The following DYNLT5 variants were observed in gnomAD, a reference collection of about 807,000 sequenced individuals.
DYNLT5 encodes the protein dynein light chain Tctex-type family member 5.
A neutral mutation model predicts 19.3 loss-of-function variants in DYNLT5; 25 were observed. That is an observed-to-expected ratio of 1.30 (90% CI 0.95 to 1.81). The LOEUF (loss-of-function observed/expected upper bound fraction) is 1.81. DYNLT5 is among the 40% of genes most tolerant of loss of function. The pLI is 0.00. For missense variants in DYNLT5, 232 were observed against 217.9 expected, an observed-to-expected ratio of 1.06 and a Z score of -0.41; for synonymous variants, 82 against 68.9, an observed-to-expected ratio of 1.19 and a Z score of -0.94.
intron 2 of DYNLT5, among the ~76,000 whole-genome samples, chr1:66,765,128 C>A (rs1486925068): frequency 6.6e-6 from 1 of 152,104 alleles, no homozygotes; most frequent in Non-Finnish European, 1.5e-5. Flanking sequence ...TACAAATGTA[C>A]AAATTTATAC....
chr1:66,765,414 G>GA (rs1200898693), intron 2 of DYNLT5, among the ~76,000 whole-genome samples: 1 of 152,034 alleles, frequency 6.6e-6, no homozygotes, highest in Non-Finnish European at 1.5e-5. Context: ...TAATAACTCT[G>GA]AAAACGTATG....
At chr1:66,754,602 CTAAAA>C in intron 1 of DYNLT5, 49 bp from the exon 2 acceptor site, 1 of 1,546,066 alleles carries the variant, frequency 6.5e-7, no homozygotes, top group East Asian at 2.3e-5. Flanking sequence ...GTTATACTAA[CTAAAA>C]TGTTTCCGGA....
chr1:66,753,151 G>C (rs748155975), intron 1 of DYNLT5, among the ~76,000 whole-genome samples: 1 of 151,984 alleles, frequency 6.6e-6, no homozygotes, highest in Admixed American at 6.6e-5. Context: ...TCACACTCAC[G>C]TGCACACACA....
intron 3 of DYNLT5, chr1:66,776,070 T>C: frequency 2.1e-6 from 1 of 477,562 alleles, no homozygotes; most frequent in Non-Finnish European, 3.6e-6. Flanking sequence ...ACTTTTGAGA[T>C]AGTCACGTAA....
At chr1:66,770,251 T>C (rs562840575) in intron 2 of DYNLT5, 136 bp from the exon 3 acceptor site, 57 of 625,406 alleles carry the variant, frequency 9.1e-5, no homozygotes, top group African/African-American at 8.5e-4. Context: ...AATATGCCAC[T>C]AGGATATTTA....
At chr1:66,766,015 T>C (rs2094654296) in intron 2 of DYNLT5, among the ~76,000 whole-genome samples, 1 of 152,232 alleles carries the variant, frequency 6.6e-6, no homozygotes, top group Non-Finnish European at 1.5e-5. Flanking sequence ...GTTGTTACTC[T>C]TCCATCTGCA....
At position 66,777,358 on chromosome 1, in the gene DYNLT5, C is replaced by A; in HGVS notation, c.444C>A (p.Cys148Ter). Residue 148 changes from cysteine (C) to a stop codon, truncating the protein, a stop_gained, in exon 5 of 5, where the codon TGC (cysteine) becomes TGA (stop). Coordinates refer to ENST00000282670, the MANE Select transcript of DYNLT5 (RefSeq NM_152665.3). LOFTEE classifies it high-confidence loss of function. ...AGAGCATACTTATTGGAAGCAGATGCCTCTGGGATCCTAAAAGTGATACCT... is the reference window on the plus strand; with the variant it reads ...AGAGCATACTTATTGGAAGCAGATGACTCTGGGATCCTAAAAGTGATACCT... The part of the protein sequence containing the change: ...NRQSILIGSR[C>*]LWDPKSDTFS... 6.2e-7 allele frequency: 1 copy of A among 1,613,906 alleles called. No individual in the cohort carries two copies.
At chr1:66,775,134 C>CA (rs1479544663) in intron 3 of DYNLT5, 3 of 152,212 alleles carry the variant, frequency 2.0e-5, no homozygotes, top group African/African-American at 7.2e-5. Flanking sequence ...GAAGAAGATT[C>CA]ATTTGAAGCT....
chr1:66,762,794 A>G lies in DYNLT5; in HGVS notation c.120-7593A>G, dbSNP rs75733883. 4.1e-3 allele frequency among the ~76,000 whole-genome samples: 626 copies of G among 152,324 alleles called. 9 individuals are homozygous for G. The highest frequency in any genetic ancestry group is 0.039 in the East Asian group (202 of 5,184). On this transcript the variant is annotated intron_variant, in intron 2 of 4. Transcript: ENST00000282670. ...TTCAATAATACAGTAGGGAAATTATAGTTAGCAATAATTTATTATATATTT... is the reference window on the plus strand; with the variant it reads ...TTCAATAATACAGTAGGGAAATTATGGTTAGCAATAATTTATTATATATTT...
At chr1:66,757,095 C>T (rs1160570376) in intron 2 of DYNLT5, among the ~76,000 whole-genome samples, 1 of 152,192 alleles carries the variant, frequency 6.6e-6, no homozygotes, top group East Asian at 1.9e-4. Context: ...TGGTGATTTG[C>T]TTGTCTATCT....
intron 2 of DYNLT5, among the ~76,000 whole-genome samples, chr1:66,757,354 T>C (rs1230165342): frequency 6.6e-6 from 1 of 152,214 alleles, no homozygotes; most frequent in Admixed American, 6.5e-5. Context: ...GAAGATTAAA[T>C]TTATATTAAA....
At chr1:66,759,808 G>A (rs11208952) in intron 2 of DYNLT5, among the ~76,000 whole-genome samples, 19,286 of 152,222 alleles carry the variant, frequency 0.13, 1,263 homozygotes, top group African/African-American at 0.14. Flanking sequence ...AAATACAGGG[G>A]TGTGTCTGCT....
intron 3 of DYNLT5, among the ~76,000 whole-genome samples, chr1:66,774,086 G>C (rs910761615): frequency 6.6e-6 from 1 of 151,898 alleles, no homozygotes; most frequent in African/African-American, 2.4e-5. Context: ...TGGTAGCACT[G>C]TACAACGGGA....
chr1:66,761,500 C>T (rs1009723294), intron 2 of DYNLT5, among the ~76,000 whole-genome samples: 2 of 152,180 alleles, frequency 1.3e-5, no homozygotes, highest in Non-Finnish European at 2.9e-5. Context: ...AATAAGACAA[C>T]AGGCTGGGCA....
intron 3 of DYNLT5, among the ~76,000 whole-genome samples, chr1:66,772,414 G>A (rs562023050): frequency 3.9e-5 from 6 of 152,188 alleles, no homozygotes; most frequent in Non-Finnish European, 5.9e-5. Flanking sequence ...AGTAATTACC[G>A]CTGGGACAGC....
intron 3 of DYNLT5, chr1:66,770,783 TAAATG>T: frequency 2.5e-6 from 1 of 406,228 alleles, no homozygotes; most frequent in South Asian, 2.3e-5. Flanking sequence ...AGATATGACT[TAAATG>T]AAAGAGATAA....
At chr1:66,763,968 T>C (rs547781884) in intron 2 of DYNLT5, among the ~76,000 whole-genome samples, 189 of 152,244 alleles carry the variant, frequency 1.2e-3, no homozygotes, top group African/African-American at 4.0e-3. Flanking sequence ...GTGGATCACT[T>C]GAGTTCAAGA....
At chr1:66,776,977 T>A (rs999894027) in intron 4 of DYNLT5, among the ~76,000 whole-genome samples, 1 of 152,242 alleles carries the variant, frequency 6.6e-6, no homozygotes, top group Non-Finnish European at 1.5e-5. Context: ...TTTCAAAGAA[T>A]GTAATTTATT....
chr1:66,763,799 C>T (rs1258377103), intron 2 of DYNLT5, among the ~76,000 whole-genome samples: 1 of 152,330 alleles, frequency 6.6e-6, no homozygotes, highest in East Asian at 1.9e-4. Flanking sequence ...GATCTTCTAT[C>T]CAGACCACTA....
Sources: allele counts gnomAD v4.1 joint callset (sites outside exome capture counted in the v4.1 genomes callset), GRCh38; gene constraint gnomAD v4.1.1; transcripts MANE v1.5; gene names NCBI Gene and HGNC (gene_info 2026-07-23, HGNC 2026-07-21).